Variants in MFSD8 observed in about 807,000 individuals in gnomAD.
MFSD8 encodes major facilitator superfamily domain-containing protein 8.
In MFSD8, 55 loss-of-function variants were observed where a neutral mutation model predicts 66.4. The ratio of observed to expected loss-of-function variants is 0.83; its 90% CI spans 0.67 to 1.04. The LOEUF is 1.04. Ranked by LOEUF, MFSD8 falls within the 50% of genes least tolerant of loss-of-function variation. The pLI is 0.00. For missense variants in MFSD8, 550 were observed against 627.6 expected (o/e 0.88, Z 1.32); for synonymous variants, 202 against 212.8 (o/e 0.95, Z 0.44).
chr4:127,952,695 C>A (rs539378276), intron 2 of MFSD8, among the ~76,000 whole-genome samples: 1 of 152,022 alleles, frequency 6.6e-6, no homozygotes, highest in South Asian at 2.1e-4. Flanking sequence ...CATGGTGAAA[C>A]CCCGTCTCTA....
At chr4:127,922,070 T>C (rs773745718) in intron 9 of MFSD8, 107 bp from the exon 10 acceptor site, 5 of 1,037,446 alleles carry the variant, frequency 4.8e-6, no homozygotes, top group Non-Finnish European at 7.3e-6. Context: ...CTTTTAGTGA[T>C]ATATCCATTA....
chr4:127,918,971 G>C lies in MFSD8; in HGVS notation c.*1659C>G, dbSNP rs1736076754. Reference sequence around the variant, plus strand: ...AAAATGTAAGACAGAGAAAGCAGCTGCAGAATAGCAGGTAAGAGGGATCCC... The same window carrying C: ...AAAATGTAAGACAGAGAAAGCAGCTCCAGAATAGCAGGTAAGAGGGATCCC... On this transcript the variant is annotated 3_prime_UTR_variant, in exon 12 of 12. Transcript: ENST00000641686. 6.6e-6 allele frequency: 1 copy of C among 152,184 alleles called. No individual in the cohort carries two copies. Among genetic ancestry groups the C allele is most frequent in the South Asian group, 2.1e-4 (1 of 4,826 alleles). The allele number at this position is 152,184 out of a possible 1,614,324, so 9.4% of individuals were successfully genotyped here.
At position 127,923,343 on chromosome 4, in the gene MFSD8, T is replaced by C. The variant is rs963913930; in HGVS notation, c.999-1380A>G. On this transcript the variant is annotated intron_variant, in intron 9 of 11. Coordinates refer to ENST00000641686, the MANE Select transcript of MFSD8 (RefSeq NM_001371596.2). ...TGAGTGTTGTTAGCATGAAGGAGTG[T>C]TGAATTTTATCAAAGGCCTTTTCTG... is the stretch of plus-strand genomic sequence containing the variant. Among the ~76,000 whole-genome samples, 6 of 152,178 alleles carry C rather than the reference T, an allele frequency of 3.9e-5. No individual in the cohort carries two copies. The South Asian group carries it at 8.3e-4, about 21-fold the overall frequency.
chr4:127,954,744 A>C (rs1324361069), intron 2 of MFSD8, among the ~76,000 whole-genome samples: 1 of 152,222 alleles, frequency 6.6e-6, no homozygotes, highest in Non-Finnish European at 1.5e-5. Flanking sequence ...CAAATCATAT[A>C]TTGGATAAGG....
intron 4 of MFSD8, among the ~76,000 whole-genome samples, chr4:127,943,239 T>A (rs1254599196): frequency 1.3e-5 from 2 of 151,588 alleles, no homozygotes; most frequent in Non-Finnish European, 2.9e-5. Flanking sequence ...AAAATTATTA[T>A]CTGGTTAGTG....
At position 127,943,918 on chromosome 4, in the gene MFSD8, T is replaced by C; in HGVS notation, c.273A>G (p.Ser91=). The C allele has an allele frequency of 6.2e-7, 1 of 1,614,112 alleles. No homozygotes were observed. ...AATTAGACCATAAACCAAATATAGG[T>C]GAAGCTACCATTTGGCCAAGACTAT... ...ASYSLGQMVA[S]PIFGLWSNYR... is the part of the protein sequence containing the mutation. Residue 91 remains serine (S), a synonymous_variant, in exon 4 of 12, where the codon TCA becomes TCG. Coordinates refer to ENST00000641686, the MANE Select transcript of MFSD8 (RefSeq NM_001371596.2).
intron 1 of MFSD8, chr4:127,964,865 C>T (rs1184487983): frequency 3.1e-6 from 2 of 644,810 alleles, no homozygotes; most frequent in Non-Finnish European, 2.7e-6. Context: ...CTCGAACCCA[C>T]GGGCTCATCA....
At chr4:127,948,258 A>G (rs1429639255) in intron 3 of MFSD8, among the ~76,000 whole-genome samples, 1 of 152,040 alleles carries the variant, frequency 6.6e-6, no homozygotes, top group East Asian at 1.9e-4. Context: ...CTCTAAAGTA[A>G]TTATTGGTCA....
At chr4:127,956,457 G>C (rs1475558498) in intron 2 of MFSD8, among the ~76,000 whole-genome samples, 1 of 144,608 alleles carries the variant, frequency 6.9e-6, no homozygotes, top group East Asian at 2.1e-4. Context: ...CCGAGATCGC[G>C]CCACTGCACT....
chr4:127,944,185 G>A (rs1200121039), intron 3 of MFSD8, among the ~76,000 whole-genome samples, 193 bp from the exon 4 acceptor site: 2 of 152,124 alleles, frequency 1.3e-5, no homozygotes, highest in Non-Finnish European at 2.9e-5. Context: ...ACAATAGACT[G>A]TACACAAGGG....
At chr4:127,923,925 C>T (rs2148849471) in intron 9 of MFSD8, among the ~76,000 whole-genome samples, 1 of 152,152 alleles carries the variant, frequency 6.6e-6, no homozygotes, top group South Asian at 2.1e-4. Context: ...CGATGTTCAT[C>T]AGGGATATTG....
chr4:127,932,109 TCAAAA>T (rs1738241198), intron 8 of MFSD8, among the ~76,000 whole-genome samples: 1 of 152,110 alleles, frequency 6.6e-6, no homozygotes, highest in African/African-American at 2.4e-5. Flanking sequence ...AGACCCTGTC[TCAAAA>T]CAAAACAAAA....
intron 1 of MFSD8, among the ~76,000 whole-genome samples, chr4:127,960,027 C>G (rs1743488514): frequency 6.6e-6 from 1 of 152,154 alleles, no homozygotes; most frequent in Admixed American, 6.5e-5. Context: ...AAATTCCTTT[C>G]TATAATCACT....
chr4:127,965,120 C>T lies in MFSD8; in HGVS notation c.14G>A (p.Arg5Gln), dbSNP rs139409959. 1.9e-6 allele frequency: 3 copies of T among 1,613,964 alleles called. No homozygotes were observed. The highest frequency in any genetic ancestry group is 2.5e-6 in the Non-Finnish European group (3 of 1,180,042). The change falls in exon 1 of 12, where the codon CGG (arginine) becomes CAG (glutamine). Residue 5 changes from arginine (R) to glutamine (Q), a missense_variant. By Grantham distance (43) the Arg-to-Gln change is conservative. Transcript: ENST00000641686. MAGL[R>Q]NESEQEPLLG... ...GAGCGGCTCCTGTTCACTTTCGTTC[C>T]GCAGGCCGGCCATAGTTACACTCCC... is the stretch of plus-strand genomic sequence containing the variant.
chr4:127,922,663 T>C (rs1021010282), intron 9 of MFSD8, among the ~76,000 whole-genome samples: 1 of 151,804 alleles, frequency 6.6e-6, no homozygotes, highest in African/African-American at 2.4e-5. Flanking sequence ...GAATTCATAG[T>C]ATATTAAAAT....
intron 1 of MFSD8, among the ~76,000 whole-genome samples, chr4:127,958,577 A>T (rs1196193572): frequency 6.6e-6 from 1 of 152,164 alleles, no homozygotes; most frequent in Admixed American, 6.5e-5. Flanking sequence ...TAAAGTGTTT[A>T]ACACTATATA....
intron 2 of MFSD8, among the ~76,000 whole-genome samples, chr4:127,957,266 T>C (rs1743043014): frequency 6.6e-6 from 1 of 152,154 alleles, no homozygotes. Flanking sequence ...GGGAGTTGTT[T>C]AATGGGTATA....
At chr4:127,963,094 A>C (rs1343092935) in intron 1 of MFSD8, among the ~76,000 whole-genome samples, 3 of 152,230 alleles carry the variant, frequency 2.0e-5, no homozygotes, top group Non-Finnish European at 4.4e-5. Context: ...CCCATAAACT[A>C]GGATCAGAAC....
chr4:127,948,918 A>G (rs571732552), intron 3 of MFSD8, among the ~76,000 whole-genome samples: 60 of 152,338 alleles, frequency 3.9e-4, no homozygotes, highest in African/African-American at 1.3e-3. Flanking sequence ...TTTAAAATAA[A>G]TTATCTGGTT....
Sources: allele counts gnomAD v4.1 joint callset (sites outside exome capture counted in the v4.1 genomes callset), GRCh38; gene constraint gnomAD v4.1.1; transcripts MANE v1.5; gene names NCBI Gene and HGNC (gene_info 2026-07-23, HGNC 2026-07-21).